Variants in VAV2 observed in about 807,000 individuals in gnomAD.
VAV2 encodes guanine nucleotide exchange factor VAV2.
Under a neutral mutation model 132.5 loss-of-function variants are expected in VAV2, and 67 were observed. The observed-to-expected ratio is 0.51, with a 90% CI of 0.42 to 0.62. The LOEUF is 0.62. Ranked by LOEUF, VAV2 falls within the 20% of genes least tolerant of loss-of-function variation. The pLI, the probability that VAV2 is intolerant of heterozygous loss-of-function variation, is 0.00. For synonymous variants in VAV2, 492 were observed against 443.5 expected, an observed-to-expected ratio of 1.11 and a Z score of -1.37; for missense variants, 938 against 1,153.6, an observed-to-expected ratio of 0.81 and a Z score of 2.71.
At chr9:133,841,987 C>A (rs868723841) in intron 3 of VAV2, among the ~76,000 whole-genome samples, 17 of 152,300 alleles carry the variant, frequency 1.1e-4, no homozygotes, top group African/African-American at 3.6e-4. Flanking sequence ...TCCACCCGGC[C>A]CTGCCATGGC....
intron 1 of VAV2, among the ~76,000 whole-genome samples, chr9:133,973,636 C>G (rs528526516): frequency 2.0e-5 from 3 of 152,336 alleles, no homozygotes; most frequent in South Asian, 4.1e-4. Flanking sequence ...CAAAATAACA[C>G]GACACTCTCC....
intron 1 of VAV2, among the ~76,000 whole-genome samples, chr9:133,971,126 C>T (rs984640821): frequency 6.6e-6 from 1 of 152,192 alleles, no homozygotes; most frequent in East Asian, 1.9e-4. Flanking sequence ...TCCACTCCCA[C>T]CATCGCTTCC....
At chr9:133,945,095 G>A (rs571507331) in intron 1 of VAV2, among the ~76,000 whole-genome samples, 70 of 152,234 alleles carry the variant, frequency 4.6e-4, no homozygotes, top group Non-Finnish European at 6.3e-4. Context: ...GTTTCAGGAG[G>A]TCAGCTGGCC....
At chr9:133,977,713 G>A (rs1030996225) in intron 1 of VAV2, among the ~76,000 whole-genome samples, 5 of 152,348 alleles carry the variant, frequency 3.3e-5, no homozygotes, top group South Asian at 2.1e-4. Flanking sequence ...CCCTCAACAC[G>A]CAGCCTGCAG....
intron 12 of VAV2, among the ~76,000 whole-genome samples, chr9:133,793,214 G>C (rs1409508812): frequency 6.6e-6 from 1 of 152,134 alleles, no homozygotes; most frequent in Non-Finnish European, 1.5e-5. Flanking sequence ...GCAGTGTCCA[G>C]ACCTGGCCCA....
At chr9:133,894,993 G>C (rs1311137174) in intron 2 of VAV2, among the ~76,000 whole-genome samples, 4 of 151,934 alleles carry the variant, frequency 2.6e-5, no homozygotes, top group Non-Finnish European at 5.9e-5. Flanking sequence ...GCAGGAGGAA[G>C]GGCAGGGGTT....
At chr9:133,979,847 C>A (rs1842639091) in intron 1 of VAV2, among the ~76,000 whole-genome samples, 1 of 152,228 alleles carries the variant, frequency 6.6e-6, no homozygotes, top group African/African-American at 2.4e-5. Context: ...CGCCCTGTCA[C>A]CTCATCAGGG....
intron 1 of VAV2, among the ~76,000 whole-genome samples, chr9:133,977,968 C>T (rs1044280653): frequency 9.7e-6 from 1 of 103,502 alleles, no homozygotes; most frequent in Non-Finnish European, 1.9e-5. Context: ...AGATGTCCTA[C>T]GTGTATGCGT....
chr9:133,889,030 C>T (rs546251379), intron 2 of VAV2, among the ~76,000 whole-genome samples: 1 of 152,328 alleles, frequency 6.6e-6, no homozygotes, highest in East Asian at 1.9e-4. Context: ...AGCCTCACTT[C>T]TGAGGAGCTC....
In VAV2 at chr9:133,879,628, C is replaced by G. The variant is rs1387931430; in HGVS notation, c.322-18196G>C. On this transcript the variant is annotated intron_variant, in intron 2 of 29. Coordinates refer to ENST00000371850, the MANE Select transcript of VAV2 (RefSeq NM_001134398.2). The surrounding 1 kb of genome is among the most constrained non-coding windows in gnomAD (Gnocchi z 4.4). ...TCTGAGTCCTCTGCCAAATGCAAATCTAAGCAACAAGCCGCACACACCAGG... is the reference window on the plus strand; with the variant it reads ...TCTGAGTCCTCTGCCAAATGCAAATGTAAGCAACAAGCCGCACACACCAGG... 2.0e-5 allele frequency among the ~76,000 whole-genome samples: 3 copies of G among 152,224 alleles called. No homozygotes were observed. Among genetic ancestry groups the G allele is most frequent in the Non-Finnish European group, 4.4e-5 (3 of 68,036 alleles).
At chr9:133,941,574 G>C (rs1841158425) in intron 1 of VAV2, among the ~76,000 whole-genome samples, 1 of 146,746 alleles carries the variant, frequency 6.8e-6, no homozygotes, top group South Asian at 2.2e-4. Context: ...ATACAGACAT[G>C]AAAGGACAAA....
Position 133,969,047 on chromosome 9 carries a change from T to C in VAV2, c.204+23028A>G, listed in dbSNP as rs1296142381. Reference sequence around the variant, plus strand: ...ACTTAAAAATAAGAGACAACTGTTTTGGGTTTTGAGGCAGTTTGGCCGGGT... The same window carrying C: ...ACTTAAAAATAAGAGACAACTGTTTCGGGTTTTGAGGCAGTTTGGCCGGGT... On this transcript the variant is annotated intron_variant, in intron 1 of 29. Coordinates refer to ENST00000371850, the MANE Select transcript of VAV2 (RefSeq NM_001134398.2). The surrounding 1 kb of genome is among the most constrained non-coding windows in gnomAD (Gnocchi z 5.1). 6.6e-6 allele frequency among the ~76,000 whole-genome samples: 1 copy of C among 152,010 alleles called. No homozygotes were observed. The highest frequency in any genetic ancestry group is 1.5e-5 in the Non-Finnish European group (1 of 67,990).
chr9:133,789,993 T>C (rs1010598031), intron 13 of VAV2, among the ~76,000 whole-genome samples: 1 of 152,206 alleles, frequency 6.6e-6, no homozygotes, highest in Admixed American at 6.5e-5. Context: ...CAGTGTCTCC[T>C]TCCAAGGTCT....
rs749344156 is a variant in VAV2, at chr9:133,861,356, G to C, written c.380+18C>G. The C allele has an allele frequency of 2.8e-5, 45 of 1,605,060 alleles. No homozygotes were observed. The highest frequency in any genetic ancestry group is 3.7e-5 in the Non-Finnish European group (44 of 1,174,886). ...GATGAAAGGACCCGGCCTTGGCAGC[G>C]CACTCCGGAGAGCTCACCTGATCCC... On this transcript the variant is annotated intron_variant, in intron 3 of 29. Transcript: ENST00000371850.
chr9:133,782,775 T>G (rs1019375825), intron 19 of VAV2, among the ~76,000 whole-genome samples: 2 of 152,176 alleles, frequency 1.3e-5, no homozygotes, highest in African/African-American at 4.8e-5. Flanking sequence ...GTTTCAAGCC[T>G]CAGTTTCTGG....
chr9:133,858,835 G>A (rs1837486054), intron 3 of VAV2, among the ~76,000 whole-genome samples: 1 of 152,212 alleles, frequency 6.6e-6, no homozygotes, highest in African/African-American at 2.4e-5. Flanking sequence ...CTCCACTCGG[G>A]TCTCCTGTGG....
chr9:133,859,615 AT>A (rs1837517478), intron 3 of VAV2, among the ~76,000 whole-genome samples: 1 of 152,120 alleles, frequency 6.6e-6, no homozygotes, highest in Non-Finnish European at 1.5e-5. Context: ...TTCCTGCCTA[AT>A]ATGTAAAAAA....
chr9:133,987,599 G>C (rs528773302), intron 1 of VAV2, among the ~76,000 whole-genome samples: 1 of 152,376 alleles, frequency 6.6e-6, no homozygotes, highest in South Asian at 2.1e-4. Flanking sequence ...CCAGGGCCAA[G>C]CCTTTGCGTG....
At chr9:133,880,189 G>A (rs764331775) in intron 2 of VAV2, among the ~76,000 whole-genome samples, 1 of 152,186 alleles carries the variant, frequency 6.6e-6, no homozygotes, top group Admixed American at 6.5e-5. Context: ...TGGCACTCAC[G>A]AGCAGCCCTG....
Sources: gnomAD v4.1 joint callset for allele counts (sites outside exome capture counted in the v4.1 genomes callset) on GRCh38, gnomAD v4.1.1 for gene constraint, Gnocchi (gnomAD v3.1) non-coding constraint, MANE v1.5 for transcripts, NCBI Gene and HGNC (gene_info 2026-07-23, HGNC 2026-07-21) for gene names.